TFDP2: variants seen among roughly 807,000 people sequenced by gnomAD.
TFDP2 encodes the protein transcription factor Dp-2 (E2F dimerization partner 2).
In TFDP2, 17 loss-of-function variants were observed where a neutral mutation model predicts 59.3. That is an observed-to-expected ratio of 0.29 (90% CI 0.20 to 0.43). TFDP2 has a LOEUF of 0.43. TFDP2 is among the 20% of genes least tolerant of loss of function. The probability of loss-of-function intolerance (pLI) is 1.00; values close to 1 mark genes in which losing one functional copy is unlikely to be tolerated. For missense variants in TFDP2, 391 were observed against 528.8 expected (o/e 0.74, Z 2.56); for synonymous variants, 180 against 194.7 (o/e 0.92, Z 0.63).
chr3:142,022,518 CACAG>C (rs1945695051), intron 3 of TFDP2, among the ~76,000 whole-genome samples: 1 of 152,176 alleles, frequency 6.6e-6, no homozygotes, highest in Non-Finnish European at 1.5e-5. Flanking sequence ...CCAGATGGCA[CACAG>C]ACACTGTTTA....
At chr3:142,004,831 A>C (rs1262179080) in intron 4 of TFDP2, among the ~76,000 whole-genome samples, 1 of 152,234 alleles carries the variant, frequency 6.6e-6, no homozygotes, top group East Asian at 1.9e-4. Context: ...GACATAAAGC[A>C]TAACACATTT....
At chr3:142,003,630 C>T (rs1452501607) in intron 4 of TFDP2, among the ~76,000 whole-genome samples, 1 of 152,104 alleles carries the variant, frequency 6.6e-6, no homozygotes, top group African/African-American at 2.4e-5. Flanking sequence ...TGATTCCTGC[C>T]CAAGAACTCA....
At chr3:142,139,583 A>G (rs2062861647) in intron 1 of TFDP2, among the ~76,000 whole-genome samples, 1 of 152,066 alleles carries the variant, frequency 6.6e-6, no homozygotes, top group South Asian at 2.1e-4. Flanking sequence ...ATCTCTCAGC[A>G]TTTGTCTGTC....
rs146315134 is a variant in TFDP2 at position 142,040,578 on chromosome 3, T to C, written c.83-35034A>G. ...GAGTAGCTGGGATTACAGGCAGGCATTGCCACCATGCCCGGCTAATTTTGT... is the reference window on the plus strand; with the variant it reads ...GAGTAGCTGGGATTACAGGCAGGCACTGCCACCATGCCCGGCTAATTTTGT... On this transcript the variant is annotated intron_variant, in intron 3 of 12. Transcript: ENST00000489671. Among the ~76,000 whole-genome samples the C allele has an allele frequency of 6.3e-3, 960 of 152,210 alleles. 15 individuals carry two copies. The highest frequency in any genetic ancestry group is 0.021 in the African/African-American group (852 of 41,542).
At chr3:142,028,633 T>C in intron 3 of TFDP2, 2 of 985,408 alleles carry the variant, frequency 2.0e-6, no homozygotes, top group Non-Finnish European at 2.4e-6. Flanking sequence ...CTACAGTCTT[T>C]GTTACCATTC....
At chr3:142,125,502 G>GCA (rs755921461) in intron 1 of TFDP2, among the ~76,000 whole-genome samples, 77 of 151,398 alleles carry the variant, frequency 5.1e-4, no homozygotes, top group Admixed American at 1.9e-3. Context: ...ACACACACAC[G>GCA]CACACACACA....
At chr3:142,101,234 G>A (rs980369885) in intron 2 of TFDP2, among the ~76,000 whole-genome samples, 5 of 151,936 alleles carry the variant, frequency 3.3e-5, no homozygotes, top group African/African-American at 4.8e-5. Flanking sequence ...CTCAAGTAGA[G>A]GGAAAAACTT....
At chr3:142,127,506 T>A (rs2062319215) in intron 1 of TFDP2, among the ~76,000 whole-genome samples, 1 of 151,876 alleles carries the variant, frequency 6.6e-6, no homozygotes, top group Non-Finnish European at 1.5e-5. Context: ...ACAAATAATT[T>A]TTTGTATTTT....
At chr3:142,144,484 T>C (rs1157760781) in intron 1 of TFDP2, among the ~76,000 whole-genome samples, 1 of 152,192 alleles carries the variant, frequency 6.6e-6, no homozygotes, top group African/African-American at 2.4e-5. Context: ...AAATTCTAAT[T>C]AGATTACAGC....
At chr3:142,138,963 G>A (rs552077086) in intron 1 of TFDP2, among the ~76,000 whole-genome samples, 1 of 152,274 alleles carries the variant, frequency 6.6e-6, no homozygotes, top group South Asian at 2.1e-4. Flanking sequence ...TTGACATTGG[G>A]ATGTTAAAGT....
rs1198172917 is a variant in TFDP2 at position 142,073,465 on chromosome 3, C to CT, written c.82+19595_82+19596insA. ...TTAAAAACAAACAAACAACCCCCCCCCCCCCGCAAAAAAAAAAAATAAAAA... is the reference window on the plus strand; with the variant it reads ...TTAAAAACAAACAAACAACCCCCCCCTCCCCCGCAAAAAAAAAAAATAAAAA... On this transcript the variant is annotated intron_variant, in intron 3 of 12. Transcript: ENST00000489671. Among the ~76,000 whole-genome samples, 3 of 70,128 alleles carry CT rather than the reference C, an allele frequency of 4.3e-5. 1 individual carries two copies. Among genetic ancestry groups the CT allele is most frequent in the Admixed American group, 3.0e-4 (2 of 6,766 alleles). 46.0% of individuals were successfully genotyped at this position (70,128 alleles called of 152,430 possible).
chr3:141,989,146 C>G (rs1306182178), intron 6 of TFDP2: 1 of 151,992 alleles, frequency 6.6e-6, no homozygotes, highest in Non-Finnish European at 1.5e-5. Context: ...TCATCTTGTT[C>G]CTTTTCTTTC....
intron 3 of TFDP2, among the ~76,000 whole-genome samples, chr3:142,032,127 T>C (rs1244054065): frequency 6.6e-6 from 1 of 151,952 alleles, no homozygotes; most frequent in African/African-American, 2.4e-5. Context: ...GAGAGGGTTT[T>C]GTTCTTTCAT....
At chr3:142,044,525 C>T (rs1267645426) in intron 3 of TFDP2, among the ~76,000 whole-genome samples, 1 of 151,746 alleles carries the variant, frequency 6.6e-6, no homozygotes, top group Non-Finnish European at 1.5e-5. Flanking sequence ...TGAGCTGCCA[C>T]ACCCGGCCTA....
At chr3:142,061,748 C>G (rs1209061873) in intron 3 of TFDP2, among the ~76,000 whole-genome samples, 1 of 152,086 alleles carries the variant, frequency 6.6e-6, no homozygotes, top group Non-Finnish European at 1.5e-5. Flanking sequence ...TCCCGTGATT[C>G]TCAGCCTTCA....
At chr3:142,133,556 G>A (rs2062596310) in intron 1 of TFDP2, among the ~76,000 whole-genome samples, 1 of 142,338 alleles carries the variant, frequency 7.0e-6, no homozygotes, top group Non-Finnish European at 1.5e-5. Context: ...GGAGTACAGT[G>A]GCACAATCTT....
At chr3:142,079,036 C>A (rs527987558) in intron 3 of TFDP2, among the ~76,000 whole-genome samples, 1 of 151,848 alleles carries the variant, frequency 6.6e-6, no homozygotes, top group Non-Finnish European at 1.5e-5. Flanking sequence ...AGTCTTCTAA[C>A]GGCAGAATTG....
intron 1 of TFDP2, among the ~76,000 whole-genome samples, chr3:142,138,370 T>C (rs1413838008): frequency 1.3e-5 from 2 of 152,230 alleles, no homozygotes; most frequent in Non-Finnish European, 2.9e-5. Flanking sequence ...CTCTATCTCC[T>C]TCAGTTCTGC....
intron 2 of TFDP2, among the ~76,000 whole-genome samples, chr3:142,097,960 T>C (rs575301027): frequency 1.8e-4 from 27 of 152,196 alleles, no homozygotes; most frequent in African/African-American, 6.3e-4. Context: ...ACCCAGCTAA[T>C]TTTTGTATTT....
Sources: allele counts gnomAD v4.1 joint callset (sites outside exome capture counted in the v4.1 genomes callset), GRCh38; gene constraint gnomAD v4.1.1; transcripts MANE v1.5; gene names NCBI Gene and HGNC (gene_info 2026-07-23, HGNC 2026-07-21).